HK1: variants seen among roughly 807,000 people sequenced by gnomAD.
HK1 encodes the protein hexokinase-1.
Under a neutral mutation model 91.6 loss-of-function variants are expected in HK1, and 28 were observed. The observed-to-expected ratio is 0.31, with a 90% CI of 0.23 to 0.42. The LOEUF (loss-of-function observed/expected upper bound fraction) is 0.42, where lower values mean the gene tolerates loss of function less well. Ranked by LOEUF, HK1 falls within the 10% of genes least tolerant of loss-of-function variation. The probability of loss-of-function intolerance (pLI) is 1.00; values close to 1 mark genes in which losing one functional copy is unlikely to be tolerated. For synonymous variants in HK1, 430 were observed against 468.1 expected, an observed-to-expected ratio of 0.92 and a Z score of 1.05; for missense variants, 770 against 1,219.8, an observed-to-expected ratio of 0.63 and a Z score of 5.49.
rs113053941 is a variant in HK1 at position 69,351,179 on chromosome 10, T to TTAAATAAA, written c.226+7219_226+7226dup. Reference sequence around the variant, plus strand: ...GACAGAGCGAGACTCCGTCTCAAAATTAAATAAATAAATAAATAAATAAAT... The same window carrying TTAAATAAA: ...GACAGAGCGAGACTCCGTCTCAAAATTAAATAAATAAATAAATAAATAAATAAATAAAT... On this transcript the variant is annotated intron_variant, in intron 2 of 17. Transcript: ENST00000359426. 1.3e-3 allele frequency among the ~76,000 whole-genome samples: 149 copies of TTAAATAAA among 115,028 alleles called. 1 individual carries two copies. Among genetic ancestry groups the TTAAATAAA allele is most frequent in the South Asian group, 9.1e-3 (26 of 2,872 alleles). The allele number at this position is 115,028 out of a possible 152,430, so 75.5% of individuals were successfully genotyped here.
intron 17 of HK1, among the ~76,000 whole-genome samples, chr10:69,400,416 T>A (rs576112202): frequency 6.6e-6 from 1 of 152,072 alleles, no homozygotes; most frequent in Admixed American, 6.6e-5. Context: ...CTGGAAGGCA[T>A]TCCTGTCTTT....
At chr10:69,298,252 G>A (rs1318098024) in intron 4 of HK1, among the ~76,000 whole-genome samples, 1 of 151,668 alleles carries the variant, frequency 6.6e-6, no homozygotes, top group Non-Finnish European at 1.5e-5. Context: ...GGTTGAAGTA[G>A]TCTTACGTAT....
chr10:69,302,698 G>A (rs1589453972), intron 5 of HK1, among the ~76,000 whole-genome samples: 1 of 149,316 alleles, frequency 6.7e-6, no homozygotes, highest in African/African-American at 2.5e-5. Context: ...CAAGGCTGCA[G>A]TGAGCTGTGA....
chr10:69,295,566 A>G, intron 3 of HK1: 1 of 1,021,352 alleles, frequency 9.8e-7, no homozygotes, highest in Non-Finnish European at 1.6e-6. Context: ...TATAAGCATC[A>G]ATATGTTGTG....
At chr10:69,330,684 A>C (rs75464676) in intron 1 of HK1, among the ~76,000 whole-genome samples, 10,183 of 152,188 alleles carry the variant, frequency 0.067, 438 homozygotes, top group African/African-American at 0.12. Context: ...TGTCTACCTT[A>C]TACCCAGAAG....
At chr10:69,361,427 G>A (rs1849412632) in intron 3 of HK1, among the ~76,000 whole-genome samples, 1 of 152,226 alleles carries the variant, frequency 6.6e-6, no homozygotes, top group African/African-American at 2.4e-5. Flanking sequence ...AGCAGCCCAT[G>A]GTTTGGCATC....
chr10:69,285,104 C>T (rs1321860863), intron 2 of HK1, among the ~76,000 whole-genome samples: 1 of 152,200 alleles, frequency 6.6e-6, no homozygotes, highest in East Asian at 2.0e-4. Context: ...CAGGCATGTG[C>T]CACCGCACCC....
At chr10:69,283,400 G>A (rs1225805983) in intron 2 of HK1, among the ~76,000 whole-genome samples, 1 of 146,702 alleles carries the variant, frequency 6.8e-6, no homozygotes, top group Non-Finnish European at 1.5e-5. Flanking sequence ...GCTGTAGTGA[G>A]CCCATGATCG....
intron 3 of HK1, among the ~76,000 whole-genome samples, chr10:69,361,872 C>T (rs1274732740): frequency 1.3e-5 from 2 of 151,944 alleles, no homozygotes; most frequent in East Asian, 3.9e-4. Flanking sequence ...GGCTGGAGTG[C>T]AGTGGCGCGA....
At chr10:69,274,974 CACTT>C (rs1184537507) in intron 1 of HK1, among the ~76,000 whole-genome samples, 1 of 152,142 alleles carries the variant, frequency 6.6e-6, no homozygotes, top group Non-Finnish European at 1.5e-5. Context: ...AATCTCCACT[CACTT>C]TGGGAGGGTC....
At chr10:69,372,607 T>C (rs771253132) in intron 7 of HK1, among the ~76,000 whole-genome samples, 6 of 152,254 alleles carry the variant, frequency 3.9e-5, no homozygotes, top group Middle Eastern at 3.4e-3. Flanking sequence ...CTGGTGTAGG[T>C]TTGGGGATTT....
At chr10:69,292,400 A>G in intron 3 of HK1, 1 of 441,436 alleles carries the variant, frequency 2.3e-6, no homozygotes, top group Non-Finnish European at 4.5e-6. Context: ...GAGGTAGGAC[A>G]AGAAGTGCTG....
intron 4 of HK1, among the ~76,000 whole-genome samples, chr10:69,298,040 G>A (rs1387833950): frequency 4.6e-5 from 7 of 150,766 alleles, no homozygotes; most frequent in African/African-American, 1.5e-4. Flanking sequence ...GTGAAACCCC[G>A]TCTCTACTAA....
At position 69,384,481 on chromosome 10, in the gene HK1, G is replaced by A. The variant is rs1839535649; in HGVS notation, c.1719G>A (p.Glu573=). 1 of 1,614,068 alleles carries A rather than the reference G, an allele frequency of 6.2e-7. No homozygotes were observed. The highest frequency in any genetic ancestry group is 8.5e-7 in the Non-Finnish European group (1 of 1,180,040). Residue 573 remains glutamate (E), a splice_region_variant and synonymous_variant, in exon 11 of 18, where the codon GAG becomes GAA. Coordinates refer to ENST00000359426, the MANE Select transcript of HK1 (RefSeq NM_000188.3). ...AAATCATGCAGGGCACTGGGGAAGA[G>A]GTGAGATTACAAAACCATAGTGCAT... The part of the protein sequence containing the change: ...PIEIMQGTGE[E]LFDHIVSCIS...
chr10:69,360,853 C>T (rs1849383684), intron 3 of HK1, among the ~76,000 whole-genome samples: 1 of 152,240 alleles, frequency 6.6e-6, no homozygotes, highest in Non-Finnish European at 1.5e-5. Context: ...CTCCTCCTCT[C>T]TCCTGTAGAC....
intron 1 of HK1, among the ~76,000 whole-genome samples, chr10:69,341,658 G>A (rs997896549): frequency 6.6e-6 from 1 of 151,848 alleles, no homozygotes; most frequent in Non-Finnish European, 1.5e-5. Flanking sequence ...AGACAGGGTT[G>A]TTGCCCAGGC....
intron 13 of HK1, among the ~76,000 whole-genome samples, chr10:69,387,770 C>T (rs1054985948): frequency 5.3e-5 from 8 of 152,014 alleles, no homozygotes; most frequent in Admixed American, 3.9e-4. Context: ...GTGTGTTTCT[C>T]GTGGTCTTTG....
chr10:69,319,838 GC>G (rs1351511457), intron 1 of HK1, among the ~76,000 whole-genome samples: 2 of 152,174 alleles, frequency 1.3e-5, no homozygotes, highest in African/African-American at 4.8e-5. Flanking sequence ...TGTCTCTTCT[GC>G]CAGCTGTGCT....
chr10:69,317,830 G>A (rs143647700), upstream of HK1, among the ~76,000 whole-genome samples: 297 of 152,336 alleles, frequency 1.9e-3, 1 homozygote, highest in South Asian at 5.2e-3. Flanking sequence ...ATGTCATTTT[G>A]TAAGGCACTA....
Sources: allele counts gnomAD v4.1 joint callset (sites outside exome capture counted in the v4.1 genomes callset), GRCh38; gene constraint gnomAD v4.1.1; transcripts MANE v1.5; gene names NCBI Gene and HGNC (gene_info 2026-07-23, HGNC 2026-07-21).